Variants in KLRG2 observed in about 807,000 individuals in gnomAD.
The protein encoded by KLRG2 is killer cell lectin-like receptor subfamily G member 2.
Under a neutral mutation model 35.4 loss-of-function variants are expected in KLRG2, and 39 were observed. The observed-to-expected ratio is 1.10, with a 90% CI of 0.85 to 1.44. The LOEUF (loss-of-function observed/expected upper bound fraction) is 1.44. Among genes scored for constraint, KLRG2 ranks in the 40% most tolerant of loss-of-function variants. The pLI is 0.00. For synonymous variants in KLRG2, 283 were observed against 265.8 expected (o/e 1.06, Z -0.63); for missense variants, 632 against 570.9 (o/e 1.11, Z -1.09).
At chr7:139,435,664 C>T in the KLRG2 span, among the ~76,000 whole-genome samples, 1 of 152,164 alleles carries the variant, frequency 6.6e-6, no homozygotes, top group Non-Finnish European at 1.5e-5. Context: ...GCTTTATCTT[C>T]TCTAGAACTT....
chr7:139,482,095 GCA>G (rs1198677523), intron 1 of KLRG2, among the ~76,000 whole-genome samples: 24 of 152,092 alleles, frequency 1.6e-4, no homozygotes, highest in Admixed American at 1.5e-3. Context: ...ATAACCAGCC[GCA>G]CATACTACTG....
chr7:139,483,481 C>T lies in KLRG2; in HGVS notation c.162G>A (p.Val54=), dbSNP rs965696942. Residue 54 remains valine (V), a synonymous_variant, in exon 1 of 5, where the codon GTG becomes GTA. Coordinates refer to ENST00000340940, the MANE Select transcript of KLRG2 (RefSeq NM_198508.4). ...PESSPSPAGA[V]EKAAGAGLEP... is the part of the protein sequence containing the mutation. Reference sequence around the variant, plus strand: ...CCAGGCCTGCGCCCGCCGCCTTCTCCACGGCCCCGGCCGGACTTGGGCTGC... The same window carrying T: ...CCAGGCCTGCGCCCGCCGCCTTCTCTACGGCCCCGGCCGGACTTGGGCTGC... 3 of 1,593,526 alleles carry T rather than the reference C, an allele frequency of 1.9e-6. No homozygotes were observed. Among genetic ancestry groups the T allele is most frequent in the African/African-American group, 2.7e-5 (2 of 73,680 alleles).
chr7:139,483,294 TGGGCGCAGGCTCAGCCCC>T lies in KLRG2; in HGVS notation c.331_348del (p.Gly111_Pro116del), dbSNP rs748408370. 1.9e-6 allele frequency: 3 copies of T among 1,557,460 alleles called. No individual in the cohort carries two copies. Among genetic ancestry groups the T allele is most frequent in the Non-Finnish European group, 1.7e-6 (2 of 1,163,428 alleles). The stretch of plus-strand genomic sequence containing the variant: ...TGCAGCTCCATGGGCGCCCAGGCGC[TGGGCGCAGGCTCAGCCCC>T]GGGCGCCTCGCCATTCCGGGGCAGC... On this transcript the variant is annotated inframe_deletion, in exon 1 of 5. Coordinates refer to ENST00000340940, the MANE Select transcript of KLRG2 (RefSeq NM_198508.4).
In KLRG2 at chr7:139,483,651, C is replaced by T. The variant is rs1343386950; in HGVS notation, c.-9G>A. 1 of 1,488,774 alleles carries T rather than the reference C, an allele frequency of 6.7e-7. No individual in the cohort carries two copies. The highest frequency in any genetic ancestry group is 2.6e-5 in the East Asian group (1 of 38,350). The allele number at this position is 1,488,774 out of a possible 1,614,324, so 92.2% of individuals were successfully genotyped here. On this transcript the variant is annotated 5_prime_UTR_variant, in exon 1 of 5. Transcript: ENST00000340940. ...TCCCAAGACTCCTCCATCCCGCGCG[C>T]CCCGCCACCCGGAGACGCTGAGGAG...
chr7:139,442,551 A>G, the KLRG2 span, among the ~76,000 whole-genome samples: 3 of 152,154 alleles, frequency 2.0e-5, no homozygotes, highest in African/African-American at 7.2e-5. Context: ...ATGTCTATAA[A>G]AAATACAAAA....
intron 3 of KLRG2, among the ~76,000 whole-genome samples, chr7:139,477,048 G>T (rs539149971): frequency 6.6e-6 from 1 of 152,048 alleles, no homozygotes; most frequent in Non-Finnish European, 1.5e-5. Context: ...GGAGTGCTGC[G>T]TTTTCATACA....
the KLRG2 span, among the ~76,000 whole-genome samples, chr7:139,441,320 C>G: frequency 2.6e-5 from 4 of 152,116 alleles, no homozygotes; most frequent in Non-Finnish European, 5.9e-5. Context: ...ATGTCCTTTG[C>G]AGGGACATGG....
chr7:139,460,658 G>A (rs989529242), intron 3 of KLRG2, among the ~76,000 whole-genome samples: 54 of 150,104 alleles, frequency 3.6e-4, no homozygotes, highest in African/African-American at 1.2e-3. Context: ...GCAAGACCCT[G>A]TCTAAAAAAA....
At chr7:139,471,188 A>G (rs1228247578) in intron 3 of KLRG2, among the ~76,000 whole-genome samples, 1 of 152,120 alleles carries the variant, frequency 6.6e-6, no homozygotes, top group Non-Finnish European at 1.5e-5. Flanking sequence ...TATCATAGAA[A>G]AAAGCCTGGA....
chr7:139,482,161 G>T (rs1332165790), intron 1 of KLRG2, among the ~76,000 whole-genome samples: 2 of 152,108 alleles, frequency 1.3e-5, no homozygotes, highest in African/African-American at 4.8e-5. Flanking sequence ...GAGTGTTTGG[G>T]GCTAAATGTT....
the KLRG2 span, among the ~76,000 whole-genome samples, chr7:139,442,008 G>T: frequency 6.6e-6 from 1 of 152,224 alleles, no homozygotes; most frequent in East Asian, 1.9e-4. Flanking sequence ...AGCCATGAAA[G>T]TATGAGGAAG....
intron 3 of KLRG2, among the ~76,000 whole-genome samples, chr7:139,464,566 C>T (rs11764434): frequency 0.13 from 19,694 of 152,110 alleles, 1,361 homozygotes; most frequent in East Asian, 0.24. Context: ...CCTTTCCCCA[C>T]TCCCCTTTCC....
chr7:139,471,333 T>C (rs1796751536), intron 3 of KLRG2, among the ~76,000 whole-genome samples: 1 of 152,164 alleles, frequency 6.6e-6, no homozygotes. Context: ...GAGAAAAATA[T>C]ACAGCAATAA....
chr7:139,471,137 C>T (rs952473638), intron 3 of KLRG2, among the ~76,000 whole-genome samples: 7 of 151,916 alleles, frequency 4.6e-5, no homozygotes, highest in African/African-American at 1.2e-4. Flanking sequence ...TGTGAGCCAC[C>T]GGGCCCGGAC....
In KLRG2 at chr7:139,481,932, AAAAAAAGAAAG is replaced by A. The variant is rs1434802209; in HGVS notation, c.757+943_757+953del. Among the ~76,000 whole-genome samples, 4 of 152,138 alleles carry A rather than the reference AAAAAAAGAAAG, an allele frequency of 2.6e-5. No homozygotes were observed. In the East Asian group the frequency reaches 7.7e-4, roughly 29 times the overall value. On this transcript the variant is annotated intron_variant, in intron 1 of 4. Coordinates refer to ENST00000340940, the MANE Select transcript of KLRG2 (RefSeq NM_198508.4). The stretch of plus-strand genomic sequence containing the variant: ...ACAAGCGCAAAACTTATTTCTTAAA[AAAAAAAGAAAG>A]AAAAAAGAAAAAAAGAAAAAAATTG...
At chr7:139,474,014 C>CTTT (rs751172556) in intron 3 of KLRG2, among the ~76,000 whole-genome samples, 5 of 129,922 alleles carry the variant, frequency 3.8e-5, no homozygotes, top group South Asian at 2.5e-4. Context: ...GTGGCTCAGA[C>CTTT]TTTTTTTTTT....
At chr7:139,455,128 C>T (rs1457886180) in intron 3 of KLRG2, among the ~76,000 whole-genome samples, 1 of 151,120 alleles carries the variant, frequency 6.6e-6, no homozygotes, top group African/African-American at 2.4e-5. Context: ...AACCGATTCT[C>T]CCGCCTCAGC....
Position 139,457,741 on chromosome 7 carries a change from CG to C in KLRG2, c.1006-3528del, listed in dbSNP as rs199599669. Among the ~76,000 whole-genome samples the C allele has an allele frequency of 3.7e-3, 564 of 152,230 alleles. 3 individuals are homozygous for C. Among genetic ancestry groups the C allele is most frequent in the African/African-American group, 0.013 (524 of 41,544 alleles). ...GGTGACGGGAGCTGAAGGCCTCCCC[CG>C]AGCCCCAGCCCCGCCTAGACCCACC... On this transcript the variant is annotated intron_variant, in intron 3 of 4. Transcript: ENST00000340940.
At chr7:139,427,710 T>G in the KLRG2 span, among the ~76,000 whole-genome samples, 1 of 152,184 alleles carries the variant, frequency 6.6e-6, no homozygotes, top group Non-Finnish European at 1.5e-5. Context: ...TTGTGTCTCT[T>G]AAGAGCAAGG....
Sources: gnomAD v4.1 joint callset for allele counts (sites outside exome capture counted in the v4.1 genomes callset) on GRCh38, gnomAD v4.1.1 for gene constraint, MANE v1.5 for transcripts, NCBI Gene and HGNC (gene_info 2026-07-23, HGNC 2026-07-21) for gene names.